Variants in TSPAN4 observed in about 807,000 individuals in gnomAD.
TSPAN4 encodes tetraspanin 4, also known as tetraspanin-4.
Under a neutral mutation model 31.5 loss-of-function variants are expected in TSPAN4, and 38 were observed. That is an observed-to-expected ratio of 1.21 (90% confidence interval 0.93 to 1.58). The LOEUF is 1.58. Among genes scored for constraint, TSPAN4 ranks in the 40% most tolerant of loss-of-function variants. The probability of loss-of-function intolerance (pLI) is 0.00; values close to 1 mark genes in which losing one functional copy is unlikely to be tolerated. For missense variants in TSPAN4, 330 were observed against 317.3 expected (o/e 1.04, Z -0.30); for synonymous variants, 186 against 144.6 (o/e 1.29, Z -2.06).
chr11:866,048 CCTT>C (rs762484389), intron 8 of TSPAN4, 47 bp downstream of exon 8: 10 of 1,583,120 alleles, frequency 6.3e-6, no homozygotes, highest in Admixed American at 1.7e-5. Context: ...TTTGTTAGGA[CCTT>C]CTGAGCCCAG....
Position 848,765 on chromosome 11 carries a change from C to T in TSPAN4, c.-18+1465C>T, listed in dbSNP as rs1354201317. On this transcript the variant is annotated intron_variant, in intron 2 of 8. Coordinates refer to ENST00000397397, the MANE Select transcript of TSPAN4 (RefSeq NM_003271.5). The surrounding 1 kb of genome is among the most constrained non-coding windows in gnomAD (Gnocchi z 5.7). ...ATCTGGGCCACGTGCTGATATCTTC[C>T]CAACACCGCAGGGCCCTTGTGCCCT... The T allele has an allele frequency of 1.1e-5, 6 of 534,914 alleles. No individual in the cohort carries two copies. The highest frequency in any genetic ancestry group is 1.9e-5 in the African/African-American group (1 of 51,394). The allele number at this position is 534,914 out of a possible 1,614,324, so 33.1% of individuals were successfully genotyped here.
At chr11:859,216 C>T (rs1224493358) in intron 3 of TSPAN4, among the ~76,000 whole-genome samples, 1 of 126,494 alleles carries the variant, frequency 7.9e-6, no homozygotes, top group Non-Finnish European at 1.7e-5. Context: ...ACACACCCAC[C>T]CCCAGCCCAC....
intron 3 of TSPAN4, chr11:856,777 T>C (rs1848066967): frequency 6.6e-6 from 1 of 152,292 alleles, no homozygotes; most frequent in South Asian, 2.1e-4. Flanking sequence ...ATCCTGCTTT[T>C]GATTTTCTGT....
chr11:850,419 G>A (rs761472055), intron 3 of TSPAN4, 52 bp downstream of exon 3: 30 of 1,502,424 alleles, frequency 2.0e-5, no homozygotes, highest in Non-Finnish European at 2.7e-5. Context: ...GGTCCCTCCC[G>A]CGGCGGGTCG....
chr11:866,462 G>GGGGTCA (rs1848845996), intron 8 of TSPAN4, 100 bp from the exon 9 acceptor site: 19 of 1,115,230 alleles, frequency 1.7e-5, no homozygotes, highest in Non-Finnish European at 2.2e-5. Flanking sequence ...CCCTGGGGTC[G>GGGGTCA]GGGTCAGGGC....
chr11:854,006 C>A (rs1847899753), intron 3 of TSPAN4, among the ~76,000 whole-genome samples: 1 of 152,226 alleles, frequency 6.6e-6, no homozygotes, highest in Admixed American at 6.5e-5. Context: ...CCTGGGACCC[C>A]CACCTTCAGG....
At chr11:863,743 C>G (rs541321344) in intron 4 of TSPAN4, 1 of 153,730 alleles carries the variant, frequency 6.5e-6, no homozygotes, top group Non-Finnish European at 1.4e-5. Context: ...GCCCCACTCA[C>G]GCCCACTCTG....
At chr11:864,598 G>T in intron 5 of TSPAN4, 87 bp downstream of exon 5, 1 of 1,537,678 alleles carries the variant, frequency 6.5e-7, no homozygotes. Flanking sequence ...GGTGTGGACA[G>T]AGTGGCCCTG....
At chr11:861,545 T>C (rs1848456746) in intron 3 of TSPAN4, among the ~76,000 whole-genome samples, 1 of 152,068 alleles carries the variant, frequency 6.6e-6, no homozygotes, top group Admixed American at 6.5e-5. Context: ...ACCCTGTCTC[T>C]ACTAAAAGTA....
intron 3 of TSPAN4, among the ~76,000 whole-genome samples, chr11:851,963 C>T (rs1284351342): frequency 8.9e-6 from 1 of 112,050 alleles, no homozygotes; most frequent in African/African-American, 3.0e-5. Flanking sequence ...GAGCAGCCCG[C>T]CCTCATGGAG....
chr11:849,230 G>C (rs1268361240), intron 2 of TSPAN4, among the ~76,000 whole-genome samples: 3 of 152,042 alleles, frequency 2.0e-5, no homozygotes, highest in Non-Finnish European at 2.9e-5. Flanking sequence ...GGGGGGGTGG[G>C]TATCTCAGGA....
rs145091696 is a variant in TSPAN4 at position 863,847 on chromosome 11, G to A, written c.256-590G>A. 7.1e-3 allele frequency: 1,119 copies of A among 157,622 alleles called. 10 individuals carry two copies. The highest frequency in any genetic ancestry group is 0.012 in the Admixed American group (196 of 16,728). 9.8% of individuals were successfully genotyped at this position (157,622 alleles called of 1,614,324 possible). A position where few individuals can be genotyped will look rare whatever the true frequency, so the allele number is the denominator to read the frequency against. The stretch of plus-strand genomic sequence containing the variant: ...CCCCGCATGGAGGAGCAGCAGGGCT[G>A]GGGTCAGGCTGAGCTTTGGGGCTGC... On this transcript the variant is annotated intron_variant, in intron 4 of 8. Coordinates refer to ENST00000397397, the MANE Select transcript of TSPAN4 (RefSeq NM_003271.5).
Position 865,689 on chromosome 11 carries a change from C to T in TSPAN4, c.433-5C>T, listed in dbSNP as rs770283317. The T allele has an allele frequency of 5.0e-6, 8 of 1,613,292 alleles. No individual in the cohort carries two copies. In the Admixed American group the frequency reaches 8.3e-5, roughly 17 times the overall value. Reference sequence around the variant, plus strand: ...GCCTCAGCCCGACCTGAGCTTGCCCCCCAGTTCCGCTGCTGTGGCGTCTCC... The same window carrying T: ...GCCTCAGCCCGACCTGAGCTTGCCCTCCAGTTCCGCTGCTGTGGCGTCTCC... On this transcript the variant is annotated splice_region_variant and splice_polypyrimidine_tract_variant and intron_variant, in intron 6 of 8. Transcript: ENST00000397397.
chr11:850,621 C>T (rs571633874), intron 3 of TSPAN4, among the ~76,000 whole-genome samples: 13 of 152,262 alleles, frequency 8.5e-5, no homozygotes, highest in African/African-American at 2.9e-4. Flanking sequence ...CCTCTCCTCT[C>T]CTCTCCTCTC....
At chr11:866,057 C>T (rs1273811865) in intron 8 of TSPAN4, 56 bp downstream of exon 8, 5 of 1,573,676 alleles carry the variant, frequency 3.2e-6, no homozygotes, top group African/African-American at 1.3e-5. Context: ...ACCTTCTGAG[C>T]CCAGGGAACA....
intron 3 of TSPAN4, chr11:859,621 T>A (rs939723582): frequency 4.0e-5 from 6 of 150,812 alleles, no homozygotes; most frequent in Non-Finnish European, 7.3e-5. Context: ...CCTGCTCACA[T>A]GCACCCCAGC....
intron 3 of TSPAN4, chr11:862,184 C>T (rs114979421): frequency 6.2e-4 from 142 of 229,890 alleles, no homozygotes; most frequent in African/African-American, 2.8e-3. Context: ...GCAGACCAGA[C>T]GGTGAAGCGG....
In TSPAN4 at chr11:866,571, C is replaced by T. The variant is rs750893378; in HGVS notation, c.658C>T (p.Leu220=). ...CCTCCCCTACCTACAGATCCTGGGCCTGACCTTCGCCATGACCATGTACTG... is the reference window on the plus strand; with the variant it reads ...CCTCCCCTACCTACAGATCCTGGGCTTGACCTTCGCCATGACCATGTACTG... The part of the protein sequence containing the change: ...LCTALVQILG[L]TFAMTMYCQV... The change falls in exon 9 of 9, where the codon CTG becomes TTG. Residue 220 remains leucine, a synonymous_variant. Coordinates refer to ENST00000397397, the MANE Select transcript of TSPAN4 (RefSeq NM_003271.5). The T allele has an allele frequency of 3.1e-6, 5 of 1,613,460 alleles. No individual in the cohort carries two copies. In the South Asian group the frequency reaches 5.5e-5, roughly 18 times the overall value.
At chr11:854,323 C>T (rs899303076) in intron 3 of TSPAN4, among the ~76,000 whole-genome samples, 3 of 152,136 alleles carry the variant, frequency 2.0e-5, no homozygotes, top group Admixed American at 2.0e-4. Context: ...GCTGGGGGAC[C>T]GGGTGGGGGT....
Sources: allele counts gnomAD v4.1 joint callset (sites outside exome capture counted in the v4.1 genomes callset), GRCh38; gene constraint gnomAD v4.1.1; non-coding constraint Gnocchi (gnomAD v3.1); transcripts MANE v1.5; gene names NCBI Gene and HGNC (gene_info 2026-07-23, HGNC 2026-07-21).